Variants in PPFIBP1 observed in about 807,000 individuals in gnomAD.
PPFIBP1 encodes liprin-beta-1.
In PPFIBP1, 112 loss-of-function variants were observed where a neutral mutation model predicts 137.8. The observed-to-expected ratio is 0.81, with a 90% CI of 0.70 to 0.95. The LOEUF is 0.95. Ranked by LOEUF, PPFIBP1 falls within the 40% of genes least tolerant of loss-of-function variation. The pLI is 0.00. For synonymous variants in PPFIBP1, 378 were observed against 417.3 expected (o/e 0.91, Z 1.15); for missense variants, 1,083 against 1,196.6 (o/e 0.91, Z 1.40).
chr12:27,622,091 C>T (rs2113869), intron 2 of PPFIBP1, among the ~76,000 whole-genome samples: 3,891 of 152,228 alleles, frequency 0.026, 388 homozygotes, highest in Admixed American at 0.18. Flanking sequence ...TTCCACTTGC[C>T]GTTTAATTGT....
intron 1 of PPFIBP1, among the ~76,000 whole-genome samples, chr12:27,563,053 GA>G (rs1325953316): frequency 6.6e-6 from 1 of 151,312 alleles, no homozygotes; most frequent in Non-Finnish European, 1.5e-5. Context: ...TTTGCAGATG[GA>G]ATTAAGGTTA....
chr12:27,664,507 A>T, intron 12 of PPFIBP1, 61 bp downstream of exon 12: 1 of 1,154,814 alleles, frequency 8.7e-7, no homozygotes, highest in Non-Finnish European at 1.3e-6. Context: ...ATAAACTTAC[A>T]CATTTGGCCT....
intron 2 of PPFIBP1, among the ~76,000 whole-genome samples, chr12:27,620,849 T>C (rs2056278609): frequency 6.6e-6 from 1 of 152,254 alleles, no homozygotes; most frequent in Non-Finnish European, 1.5e-5. Context: ...ATTTTTCCCA[T>C]AACACTTATC....
intron 2 of PPFIBP1, chr12:27,593,724 T>A: frequency 1.6e-6 from 1 of 631,652 alleles, no homozygotes; most frequent in Non-Finnish European, 2.8e-6. Context: ...TAGAAGCCTA[T>A]TAGCTATTGA....
At chr12:27,671,590 A>G (rs368291941) in intron 14 of PPFIBP1, 44 bp downstream of exon 14, 51 of 1,262,758 alleles carry the variant, frequency 4.0e-5, no homozygotes, top group Non-Finnish European at 5.2e-5. Flanking sequence ...TCAAAAAAGT[A>G]GATCAGCCAA....
chr12:27,593,711 A>C (rs2052821089), intron 2 of PPFIBP1: 2 of 612,682 alleles, frequency 3.3e-6, no homozygotes, highest in Non-Finnish European at 5.8e-6. Context: ...GGTTGGCTCC[A>C]TTTAGAAGCC....
chr12:27,632,945 G>GA (rs2057363721), intron 2 of PPFIBP1, among the ~76,000 whole-genome samples: 2 of 152,028 alleles, frequency 1.3e-5, no homozygotes, highest in Admixed American at 1.3e-4. Context: ...TGTACAGAAA[G>GA]AAAAAACAAA....
chr12:27,682,805 G>C, intron 24 of PPFIBP1, 102 bp downstream of exon 24: 1 of 1,566,692 alleles, frequency 6.4e-7, no homozygotes, highest in Non-Finnish European at 8.6e-7. Flanking sequence ...GATTCCACCA[G>C]AGTTTGAAGC....
rs573552720 is a variant in PPFIBP1 at position 27,661,373 on chromosome 12, A to G, written c.906+428A>G. 1.8e-3 allele frequency among the ~76,000 whole-genome samples: 278 copies of G among 152,280 alleles called. 1 individual carries two copies. Among genetic ancestry groups the G allele is most frequent in the African/African-American group, 6.3e-3 (262 of 41,556 alleles). ...CCTTTACACTCCTGGCCTGTTTCAC[A>G]TCTGTGATTGTCTCTGCTCTCCCGA... On this transcript the variant is annotated intron_variant, in intron 11 of 29. Transcript: ENST00000228425.
intron 4 of PPFIBP1, among the ~76,000 whole-genome samples, chr12:27,642,976 G>A (rs769122117): frequency 3.8e-4 from 57 of 151,924 alleles, no homozygotes; most frequent in South Asian, 1.0e-3. Context: ...TGAGGAAGAA[G>A]GTGTCTAAGG....
chr12:27,614,638 G>A (rs909014788), intron 2 of PPFIBP1, among the ~76,000 whole-genome samples: 1 of 152,118 alleles, frequency 6.6e-6, no homozygotes, highest in Admixed American at 6.5e-5. Flanking sequence ...GAGCCGGTCT[G>A]CAGATTTTTC....
Position 27,654,625 on chromosome 12 carries a change from G to A in PPFIBP1, c.604-97G>A, listed in dbSNP as rs560211164. The A allele has an allele frequency of 1.8e-5, 26 of 1,439,324 alleles. No homozygotes were observed. In the Middle Eastern group the frequency reaches 1.0e-3, roughly 58 times the overall value. 89.2% of individuals were successfully genotyped at this position (1,439,324 alleles called of 1,614,324 possible). On this transcript the variant is annotated intron_variant, in intron 7 of 29. Transcript: ENST00000228425. ...GATTCATACAACTTTAACCCTAGGA[G>A]CTGGTGACTTCTTAAGATTTCCAAG...
At chr12:27,542,744 G>A (rs1592343810) in intron 1 of PPFIBP1, among the ~76,000 whole-genome samples, 1 of 152,212 alleles carries the variant, frequency 6.6e-6, no homozygotes, top group South Asian at 2.1e-4. Context: ...TTGTGGATAA[G>A]TCATCTGCAT....
chr12:27,595,082 A>G (rs1484112294), intron 2 of PPFIBP1, among the ~76,000 whole-genome samples: 1 of 152,208 alleles, frequency 6.6e-6, no homozygotes, highest in Non-Finnish European at 1.5e-5. Context: ...AACATCACAA[A>G]TATATTACAG....
chr12:27,595,518 G>A (rs1185801614), intron 2 of PPFIBP1, among the ~76,000 whole-genome samples: 1 of 152,124 alleles, frequency 6.6e-6, no homozygotes, highest in Non-Finnish European at 1.5e-5. Flanking sequence ...AAGGAAAAAC[G>A]GGGATAGAAA....
chr12:27,681,882 G>C (rs1038157308), intron 22 of PPFIBP1, among the ~76,000 whole-genome samples, 186 bp downstream of exon 22: 5 of 152,102 alleles, frequency 3.3e-5, no homozygotes, highest in Non-Finnish European at 7.4e-5. Context: ...TGGTCTTGAT[G>C]ATTCCTTATG....
chr12:27,551,461 C>T (rs1218022087), intron 1 of PPFIBP1, among the ~76,000 whole-genome samples: 1 of 152,088 alleles, frequency 6.6e-6, no homozygotes, highest in Non-Finnish European at 1.5e-5. Flanking sequence ...TTCCCAAGAG[C>T]AACAGAGGAG....
intron 1 of PPFIBP1, among the ~76,000 whole-genome samples, chr12:27,575,228 G>T (rs2050460446): frequency 6.6e-6 from 1 of 152,108 alleles, no homozygotes; most frequent in Non-Finnish European, 1.5e-5. Flanking sequence ...TAAATGTATG[G>T]GTGTGGCTGT....
intron 2 of PPFIBP1, among the ~76,000 whole-genome samples, chr12:27,621,741 T>G (rs7954273): frequency 0.53 from 81,025 of 152,036 alleles, 22,801 homozygotes; most frequent in Non-Finnish European, 0.61. Flanking sequence ...AGATTATTTA[T>G]AAAAACTTAT....
Sources: allele counts gnomAD v4.1 joint callset (sites outside exome capture counted in the v4.1 genomes callset), GRCh38; gene constraint gnomAD v4.1.1; transcripts MANE v1.5; gene names NCBI Gene and HGNC (gene_info 2026-07-23, HGNC 2026-07-21).